The following ELMO1 variants were observed in gnomAD, a reference collection of about 807,000 sequenced individuals.
ELMO1 encodes engulfment and cell motility 1.
A neutral mutation model predicts 98.9 loss-of-function variants in ELMO1; 26 were observed. That is an observed-to-expected ratio of 0.26 (90% confidence interval 0.19 to 0.36). ELMO1 has a LOEUF of 0.36. Among genes scored for constraint, ELMO1 ranks in the 10% least tolerant of loss-of-function variants. The pLI is 1.00. For synonymous variants in ELMO1, 346 were observed against 346.0 expected, an observed-to-expected ratio of 1.00 and a Z score of 0.00; for missense variants, 627 against 935.2, an observed-to-expected ratio of 0.67 and a Z score of 4.30.
intron 1 of ELMO1, among the ~76,000 whole-genome samples, chr7:37,380,088 TG>T (rs1199586222): frequency 6.6e-6 from 1 of 152,200 alleles, no homozygotes; most frequent in Non-Finnish European, 1.5e-5. Flanking sequence ...GTGACTCTTG[TG>T]TAGTATGAAT....
chr7:37,080,681 G>A (rs1797825054), intron 15 of ELMO1, among the ~76,000 whole-genome samples: 1 of 133,562 alleles, frequency 7.5e-6, no homozygotes, highest in South Asian at 2.3e-4. Flanking sequence ...TTGAACTTCT[G>A]ACCTCGTGAT....
At chr7:37,046,042 A>C (rs1275981847) in intron 15 of ELMO1, among the ~76,000 whole-genome samples, 2 of 152,216 alleles carry the variant, frequency 1.3e-5, no homozygotes, top group African/African-American at 4.8e-5. Flanking sequence ...CACAGAAGCA[A>C]CTTGCCAAAA....
chr7:37,417,965 G>T (rs1804300354), intron 1 of ELMO1, among the ~76,000 whole-genome samples: 2 of 152,192 alleles, frequency 1.3e-5, no homozygotes, highest in Non-Finnish European at 2.9e-5. Context: ...CCAGAAGCTG[G>T]AAGGGGCAAG....
At chr7:37,094,436 G>A (rs1468124131) in intron 15 of ELMO1, among the ~76,000 whole-genome samples, 1 of 152,086 alleles carries the variant, frequency 6.6e-6, no homozygotes, top group East Asian at 1.9e-4. Context: ...AGGCCAGGAG[G>A]GCTACTCTAC....
At chr7:37,184,783 A>T (rs1791098292) in intron 13 of ELMO1, among the ~76,000 whole-genome samples, 2 of 151,846 alleles carry the variant, frequency 1.3e-5, no homozygotes, top group African/African-American at 2.4e-5. Context: ...GTGTGGTGGC[A>T]TGTTACTCAG....
intron 12 of ELMO1, among the ~76,000 whole-genome samples, chr7:37,212,830 A>T (rs1430086794): frequency 6.6e-6 from 1 of 152,186 alleles, no homozygotes; most frequent in Non-Finnish European, 1.5e-5. Flanking sequence ...ATAACCTTTC[A>T]TGCACAACAA....
intron 1 of ELMO1, among the ~76,000 whole-genome samples, chr7:37,401,741 A>G (rs571646355): frequency 1.3e-5 from 2 of 152,184 alleles, no homozygotes; most frequent in African/African-American, 4.8e-5. Flanking sequence ...CCATGATTCA[A>G]TTACCTCCTA....
chr7:37,155,562 CA>C (rs1271581711), intron 13 of ELMO1, among the ~76,000 whole-genome samples: 2 of 146,858 alleles, frequency 1.4e-5, no homozygotes, highest in African/African-American at 5.1e-5. Context: ...CAACAAAGAT[CA>C]AAAGAGACAA....
chr7:36,919,455 G>A (rs747821386), intron 16 of ELMO1: 1 of 511,542 alleles, frequency 2.0e-6, no homozygotes, highest in South Asian at 1.4e-5. Context: ...AAGAATGTGG[G>A]CTTTGGGGTC....
rs140391665 is a variant in ELMO1, at chr7:37,172,644, T to C, written c.1086+38742A>G. 1.1e-4 allele frequency among the ~76,000 whole-genome samples: 16 copies of C among 152,320 alleles called. No homozygotes were observed. In the East Asian group the frequency reaches 2.7e-3, roughly 26 times the overall value. On this transcript the variant is annotated intron_variant, in intron 13 of 21. Coordinates refer to ENST00000310758, the MANE Select transcript of ELMO1 (RefSeq NM_014800.11). ...ACCTTGATTAGGATATTAGAGTCTATAGATAGTGGTCAAAGGGCTTGTCTT... is the reference window on the plus strand; with the variant it reads ...ACCTTGATTAGGATATTAGAGTCTACAGATAGTGGTCAAAGGGCTTGTCTT...
At chr7:36,895,808 C>T (rs954083976) in intron 16 of ELMO1, among the ~76,000 whole-genome samples, 2 of 152,220 alleles carry the variant, frequency 1.3e-5, no homozygotes, top group South Asian at 2.1e-4. Flanking sequence ...TCTTTTTTCA[C>T]TCTCCATTAC....
At chr7:37,222,201 T>G (rs1016306189) in intron 10 of ELMO1, among the ~76,000 whole-genome samples, 1 of 152,138 alleles carries the variant, frequency 6.6e-6, no homozygotes, top group African/African-American at 2.4e-5. Flanking sequence ...CCCCTCAGGG[T>G]CTGTTTCCTG....
At chr7:37,161,687 G>C (rs1789208575) in intron 13 of ELMO1, among the ~76,000 whole-genome samples, 1 of 151,372 alleles carries the variant, frequency 6.6e-6, no homozygotes, top group South Asian at 2.1e-4. Flanking sequence ...ATACAGCACT[G>C]TACTTTGAGT....
At chr7:36,934,738 A>G (rs1325322275) in intron 16 of ELMO1, among the ~76,000 whole-genome samples, 1 of 152,220 alleles carries the variant, frequency 6.6e-6, no homozygotes, top group Admixed American at 6.5e-5. Context: ...TGGATTTTGT[A>G]ATCCTCCTCT....
chr7:36,947,467 T>C (rs1172147690), intron 16 of ELMO1, among the ~76,000 whole-genome samples: 1 of 152,158 alleles, frequency 6.6e-6, no homozygotes, highest in Non-Finnish European at 1.5e-5. Flanking sequence ...CCAAACCTGT[T>C]GATCCCACAT....
chr7:37,380,801 G>C (rs961480067), intron 1 of ELMO1, among the ~76,000 whole-genome samples: 2 of 152,074 alleles, frequency 1.3e-5, no homozygotes, highest in African/African-American at 4.8e-5. Context: ...TATTAACTTT[G>C]AACCCATGGA....
At chr7:37,278,262 A>G (rs1184206644) in intron 4 of ELMO1, among the ~76,000 whole-genome samples, 1 of 151,970 alleles carries the variant, frequency 6.6e-6, no homozygotes, top group Non-Finnish European at 1.5e-5. Flanking sequence ...ATATGTGATG[A>G]AAGTCTATAA....
intron 16 of ELMO1, among the ~76,000 whole-genome samples, chr7:36,922,330 C>T (rs1225083097): frequency 8.6e-6 from 1 of 115,668 alleles, no homozygotes; most frequent in Non-Finnish European, 1.7e-5. Flanking sequence ...CTTTTAAAGG[C>T]AGATATCACA....
chr7:37,152,966 G>A (rs527498834), intron 13 of ELMO1, among the ~76,000 whole-genome samples: 16 of 152,226 alleles, frequency 1.1e-4, no homozygotes, highest in East Asian at 1.9e-4. Flanking sequence ...CTGCCGGAGC[G>A]GACACCTATA....
Sources: allele counts gnomAD v4.1 joint callset (sites outside exome capture counted in the v4.1 genomes callset), GRCh38; gene constraint gnomAD v4.1.1; transcripts MANE v1.5; gene names NCBI Gene and HGNC (gene_info 2026-07-23, HGNC 2026-07-21).